Variants in AKAP13 observed in about 807,000 individuals in gnomAD.
The protein encoded by AKAP13 is A-kinase anchor protein 13.
AKAP13 carries 80 observed loss-of-function variants against 264.5 expected under a neutral mutation model. That is an observed-to-expected ratio of 0.30 (90% CI 0.25 to 0.36). AKAP13 has a LOEUF of 0.36. Among genes scored for constraint, AKAP13 ranks in the 10% least tolerant of loss-of-function variants. AKAP13 has a pLI of 1.00. For missense variants in AKAP13, 3,712 were observed against 3,435.2 expected, an observed-to-expected ratio of 1.08 and a Z score of -2.01; for synonymous variants, 1,380 against 1,250.2, an observed-to-expected ratio of 1.10 and a Z score of -2.19.
chr15:85,666,052 C>G (rs1265716058), intron 13 of AKAP13, among the ~76,000 whole-genome samples: 1 of 152,094 alleles, frequency 6.6e-6, no homozygotes, highest in Non-Finnish European at 1.5e-5. Flanking sequence ...GTAATGGGAT[C>G]GTTGGGTCAA....
At chr15:85,626,888 T>A (rs1596778526) in intron 8 of AKAP13, among the ~76,000 whole-genome samples, 1 of 152,354 alleles carries the variant, frequency 6.6e-6, no homozygotes, top group African/African-American at 2.4e-5. Flanking sequence ...AATTCCAATT[T>A]CAACACATCC....
intron 1 of AKAP13, among the ~76,000 whole-genome samples, chr15:85,483,644 A>AAAAAAAAAAAC (rs2075425637): frequency 7.9e-6 from 1 of 127,064 alleles, no homozygotes; most frequent in African/African-American, 2.9e-5. Flanking sequence ...AAAAAAAAAA[A>AAAAAAAAAAAC]AAAAAAACAC....
At chr15:85,703,987 C>G (rs1346238689) in intron 17 of AKAP13, among the ~76,000 whole-genome samples, 4 of 151,880 alleles carry the variant, frequency 2.6e-5, no homozygotes, top group Non-Finnish European at 5.9e-5. Flanking sequence ...TAAATTTGCT[C>G]ATATTTAACT....
At chr15:85,472,945 A>G (rs2075012334) in intron 1 of AKAP13, among the ~76,000 whole-genome samples, 1 of 152,238 alleles carries the variant, frequency 6.6e-6, no homozygotes, top group Non-Finnish European at 1.5e-5. Flanking sequence ...TGACATATAC[A>G]CAAGAATATA....
chr15:85,653,217 G>C (rs1304148362), intron 10 of AKAP13, among the ~76,000 whole-genome samples: 2 of 152,178 alleles, frequency 1.3e-5, no homozygotes, highest in Admixed American at 6.5e-5. Context: ...ATTTTACAGA[G>C]TGACCCAGTG....
At chr15:85,726,603 T>G in intron 27 of AKAP13, 117 bp downstream of exon 27, 1 of 816,658 alleles carries the variant, frequency 1.2e-6, no homozygotes, top group Non-Finnish European at 1.9e-6. Flanking sequence ...TCAGGACAAA[T>G]TCCTCTGAGT....
chr15:85,427,531 G>A (rs1166737146), intron 1 of AKAP13, among the ~76,000 whole-genome samples: 1 of 151,980 alleles, frequency 6.6e-6, no homozygotes, highest in Non-Finnish European at 1.5e-5. Context: ...GCACACACAC[G>A]CTTTAAAAGT....
rs558237112 is a variant in AKAP13, at chr15:85,583,548, G to A, written c.4039+1441G>A. On this transcript the variant is annotated intron_variant, in intron 7 of 36. Transcript: ENST00000394518. Reference sequence around the variant, plus strand: ...AAGCCACAACAACAAGTCTATTTTGGGGGCCCTGGCAGGTTGGCATTTCAG... The same window carrying A: ...AAGCCACAACAACAAGTCTATTTTGAGGGCCCTGGCAGGTTGGCATTTCAG... Among the ~76,000 whole-genome samples, 8 of 152,266 alleles carry A rather than the reference G, an allele frequency of 5.3e-5. No homozygotes were observed. In the East Asian group the frequency reaches 1.5e-3, roughly 29 times the overall value.
intron 2 of AKAP13, among the ~76,000 whole-genome samples, chr15:85,487,988 C>T (rs2075613320): frequency 6.6e-6 from 1 of 152,238 alleles, no homozygotes; most frequent in Non-Finnish European, 1.5e-5. Flanking sequence ...GCTGCGATCT[C>T]CCAGGCTCAA....
At chr15:85,722,517 G>T (rs2087350850) in intron 25 of AKAP13, among the ~76,000 whole-genome samples, 170 bp downstream of exon 25, 1 of 152,166 alleles carries the variant, frequency 6.6e-6, no homozygotes, top group African/African-American at 2.4e-5. Context: ...TATGTTACCA[G>T]ACTTAGGATA....
At chr15:85,486,878 A>G (rs1212503699) in intron 2 of AKAP13, among the ~76,000 whole-genome samples, 2 of 151,464 alleles carry the variant, frequency 1.3e-5, no homozygotes, top group African/African-American at 4.9e-5. Context: ...AGCTGGGACT[A>G]TAGGTGCCTG....
chr15:85,679,261 AAC>A, intron 14 of AKAP13, among the ~76,000 whole-genome samples: 1 of 151,524 alleles, frequency 6.6e-6, no homozygotes, highest in Non-Finnish European at 1.5e-5. Context: ...AACAACAAAA[AAC>A]CAAGGTCCTG....
intron 23 of AKAP13, among the ~76,000 whole-genome samples, chr15:85,720,419 A>T (rs915737065): frequency 2.6e-5 from 4 of 152,124 alleles, no homozygotes; most frequent in Non-Finnish European, 4.4e-5. Flanking sequence ...TATTGTTGAT[A>T]CTTTCATCAA....
At chr15:85,432,551 G>T (rs2073069213) in intron 1 of AKAP13, among the ~76,000 whole-genome samples, 1 of 152,084 alleles carries the variant, frequency 6.6e-6, no homozygotes, top group Admixed American at 6.6e-5. Flanking sequence ...AGTTTACAAG[G>T]AGAATGTTAG....
At chr15:85,701,870 A>G (rs1294097373) in intron 17 of AKAP13, among the ~76,000 whole-genome samples, 1 of 152,190 alleles carries the variant, frequency 6.6e-6, no homozygotes, top group Non-Finnish European at 1.5e-5. Context: ...ACCCTACTCC[A>G]GAAGTAATGT....
In AKAP13 at chr15:85,655,698, G is replaced by T. The variant is rs2083060600; in HGVS notation, c.4656G>T (p.Arg1552Ser). 1.2e-6 allele frequency: 2 copies of T among 1,614,006 alleles called. No homozygotes were observed. The highest frequency in any genetic ancestry group is 1.7e-6 in the Non-Finnish European group (2 of 1,179,948). The change falls in exon 11 of 37, where the codon AGG becomes AGT. Residue 1552 changes from arginine to serine, a missense_variant. By Grantham distance (110) the Arg-to-Ser change is moderately radical. This residue lies in a region of AKAP13 where 2,759 missense variants were observed against 2,411.7 expected (regional missense o/e 1.14). Coordinates refer to ENST00000394518, the MANE Select transcript of AKAP13 (RefSeq NM_007200.5). Reference sequence around the variant, plus strand: ...TGCCTGCAAACTGCTCTGTCCTAAGGAGCTCCATGCGCTCTCTTTCTCCCT... The same window carrying T: ...TGCCTGCAAACTGCTCTGTCCTAAGTAGCTCCATGCGCTCTCTTTCTCCCT... ...TEVPANCSVL[R>S]SSMRSLSPFR...
At position 85,472,407 on chromosome 15, in the gene AKAP13, G is replaced by C. The variant is rs565748207; in HGVS notation, c.-11-13303G>C. Among the ~76,000 whole-genome samples, 5 of 151,376 alleles carry C rather than the reference G, an allele frequency of 3.3e-5. No homozygotes were observed. In the South Asian group the frequency reaches 1.0e-3, roughly 32 times the overall value. On this transcript the variant is annotated intron_variant, in intron 1 of 36. Coordinates refer to ENST00000394518, the MANE Select transcript of AKAP13 (RefSeq NM_007200.5). ...CAACAAGTTATTGCCAGTCTAAATT[G>C]GGGTAATATAACACTCGTTCTGGAT...
chr15:85,476,235 A>G (rs1282178647), intron 1 of AKAP13, among the ~76,000 whole-genome samples: 1 of 152,138 alleles, frequency 6.6e-6, no homozygotes, highest in Non-Finnish European at 1.5e-5. Context: ...TTTATAGATA[A>G]TGAGGGACCC....
chr15:85,610,437 C>T (rs980258650), intron 8 of AKAP13, among the ~76,000 whole-genome samples: 9 of 152,204 alleles, frequency 5.9e-5, no homozygotes, highest in Non-Finnish European at 1.3e-4. Context: ...GTTTCTATGG[C>T]AGGATCTCTT....
Sources: allele counts gnomAD v4.1 joint callset (sites outside exome capture counted in the v4.1 genomes callset), GRCh38; gene constraint gnomAD v4.1.1; regional missense constraint gnomAD v4.1.1; transcripts MANE v1.5; gene names NCBI Gene and HGNC (gene_info 2026-07-23, HGNC 2026-07-21).